EFL1: variants seen among roughly 807,000 people sequenced by gnomAD.
EFL1 encodes elongation factor-like GTPase 1.
EFL1 carries 76 observed loss-of-function variants against 126.7 expected under a neutral mutation model. The observed-to-expected ratio is 0.60, with a 90% CI of 0.50 to 0.73. The LOEUF is 0.73. Among genes scored for constraint, EFL1 ranks in the 30% least tolerant of loss-of-function variants. The probability of loss-of-function intolerance (pLI) is 0.00; values close to 1 mark genes in which losing one functional copy is unlikely to be tolerated. For missense variants in EFL1, 1,128 were observed against 1,343.2 expected (o/e 0.84, Z 2.50); for synonymous variants, 410 against 448.4 (o/e 0.91, Z 1.08).
chr15:82,220,856 T>C (rs1431646147), intron 12 of EFL1, among the ~76,000 whole-genome samples: 1 of 152,176 alleles, frequency 6.6e-6, no homozygotes, highest in African/African-American at 2.4e-5. Context: ...AGAAGGTATT[T>C]AGAGTTTTAA....
chr15:82,217,138 C>T (rs1595988901), intron 14 of EFL1, among the ~76,000 whole-genome samples: 2 of 151,840 alleles, frequency 1.3e-5, no homozygotes, highest in African/African-American at 4.8e-5. Context: ...ATCAGACTGG[C>T]ACAAATCAAA....
chr15:82,176,329 T>C (rs758708999), intron 15 of EFL1, among the ~76,000 whole-genome samples: 32 of 152,078 alleles, frequency 2.1e-4, no homozygotes, highest in Non-Finnish European at 4.1e-4. Context: ...AAAGAAAAAA[T>C]TGAAAAATAT....
chr15:82,177,792 C>T (rs1474412909), intron 15 of EFL1, among the ~76,000 whole-genome samples: 1 of 152,162 alleles, frequency 6.6e-6, no homozygotes, highest in African/African-American at 2.4e-5. Flanking sequence ...TCTACCACTG[C>T]CAAAATCTAA....
chr15:82,208,259 G>C lies in EFL1; in HGVS notation c.1750+6458C>G, dbSNP rs539958266. Among the ~76,000 whole-genome samples the C allele has an allele frequency of 5.9e-5, 9 of 152,284 alleles. No homozygotes were observed. The South Asian group carries it at 1.7e-3, about 28-fold the overall frequency. On this transcript the variant is annotated intron_variant, in intron 15 of 19. Transcript: ENST00000268206. ...GCACCAAGCCCAGTTAGTTTTGCAA[G>C]TGAACTATTTCAAAACTTTTGAAGA...
intron 4 of EFL1, among the ~76,000 whole-genome samples, chr15:82,247,797 A>C (rs1185618799): frequency 6.6e-6 from 1 of 152,110 alleles, no homozygotes; most frequent in Non-Finnish European, 1.5e-5. Context: ...TCAGAATCAC[A>C]GAGAAACATG....
chr15:82,254,496 C>G (rs576256244), intron 3 of EFL1, among the ~76,000 whole-genome samples: 1 of 152,114 alleles, frequency 6.6e-6, no homozygotes, highest in African/African-American at 2.4e-5. Context: ...TTTTGAAGTA[C>G]CCTGTGCCCC....
At chr15:82,146,413 G>C (rs2073846283) in intron 18 of EFL1, among the ~76,000 whole-genome samples, 1 of 152,048 alleles carries the variant, frequency 6.6e-6, no homozygotes, top group African/African-American at 2.4e-5. Context: ...GAACACAGAA[G>C]TTCTTTTCAT....
Position 82,163,970 on chromosome 15 carries a change from G to A in EFL1, c.1765C>T (p.Gln589Ter). The change falls in exon 16 of 20, where the codon CAA becomes TAA. Residue 589 changes from glutamine (Q) to a stop codon, truncating the protein, a stop_gained. Coordinates refer to ENST00000268206, the MANE Select transcript of EFL1 (RefSeq NM_024580.6). LOFTEE classifies it high-confidence loss of function. ...PGNVLGIGGLQDFVLKSATLC... is the reference protein window; with the variant it reads ...PGNVLGIGGL ...GTTGCAGATTTCAGCACAAAATCTTGAAGGCCTCCTATTCCTGTAGGAAGA... is the reference window on the plus strand; with the variant it reads ...GTTGCAGATTTCAGCACAAAATCTTAAAGGCCTCCTATTCCTGTAGGAAGA... 3.1e-6 allele frequency: 5 copies of A among 1,614,004 alleles called. No homozygotes were observed. Among genetic ancestry groups the A allele is most frequent in the Non-Finnish European group, 4.2e-6 (5 of 1,179,952 alleles).
chr15:82,222,368 T>A (rs1434910634), intron 12 of EFL1, among the ~76,000 whole-genome samples: 3 of 152,248 alleles, frequency 2.0e-5, no homozygotes, highest in African/African-American at 4.8e-5. Flanking sequence ...ATGCTCATTA[T>A]CACCAGGTTA....
rs2073623871 is a variant in EFL1 at position 82,130,285 on chromosome 15, T to G, written c.*88A>C. The stretch of plus-strand genomic sequence containing the variant: ...ATTGAAAGTGAATAAACAGAGATAA[T>G]GTGGCAAAAAGAAATTTTCCCAATA... On this transcript the variant is annotated 3_prime_UTR_variant, in exon 20 of 20. Coordinates refer to ENST00000268206, the MANE Select transcript of EFL1 (RefSeq NM_024580.6). 6.0e-6 allele frequency: 8 copies of G among 1,341,934 alleles called. No homozygotes were observed. The highest frequency in any genetic ancestry group is 8.1e-6 in the Non-Finnish European group (8 of 984,384). The allele number at this position is 1,341,934 out of a possible 1,614,324, so 83.1% of individuals were successfully genotyped here. A position where few individuals can be genotyped will look rare whatever the true frequency, so the allele number is the denominator to read the frequency against.
chr15:82,192,052 G>C lies in EFL1; in HGVS notation c.1750+22665C>G, dbSNP rs2074365467. On this transcript the variant is annotated intron_variant, in intron 15 of 19. Transcript: ENST00000268206. ...AATTGTTAAAGATAACACCTAGTAG[G>C]AATTTTTAAAAAACATCTGCTGAGA... is the stretch of plus-strand genomic sequence containing the variant. 2.0e-5 allele frequency among the ~76,000 whole-genome samples: 3 copies of C among 152,114 alleles called. No homozygotes were observed. In the South Asian group the frequency reaches 6.2e-4, roughly 32 times the overall value.
chr15:82,243,734 A>C (rs1378169743), intron 4 of EFL1, among the ~76,000 whole-genome samples: 3 of 146,224 alleles, frequency 2.1e-5, no homozygotes, highest in African/African-American at 7.7e-5. Context: ...AATAGTCAGA[A>C]AAACGAATAC....
In EFL1 at chr15:82,138,423, A is replaced by AGTGTGT. The variant is rs558338398; in HGVS notation, c.3174+234_3174+235insACACAC. On this transcript the variant is annotated intron_variant, in intron 19 of 19. Coordinates refer to ENST00000268206, the MANE Select transcript of EFL1 (RefSeq NM_024580.6). ...AAGGACAAATGAGAGAGAGAGAGAG[A>AGTGTGT]GAGTGTATGTGTGTGTGTGTGTGTG... Among the ~76,000 whole-genome samples the AGTGTGT allele has an allele frequency of 3.7e-4, 38 of 101,988 alleles. No homozygotes were observed. The Admixed American group carries it at 4.7e-3, about 13-fold the overall frequency. The allele number at this position is 101,988 out of a possible 152,430, so 66.9% of individuals were successfully genotyped here. A position where few individuals can be genotyped will look rare whatever the true frequency, so the allele number is the denominator to read the frequency against.
intron 15 of EFL1, among the ~76,000 whole-genome samples, chr15:82,171,009 G>C (rs2074129736): frequency 6.6e-6 from 1 of 152,102 alleles, no homozygotes. Context: ...AAAAAGAAAG[G>C]GGAAGAGATA....
chr15:82,230,185 T>C (rs1846908), intron 8 of EFL1, among the ~76,000 whole-genome samples: 69,599 of 151,954 alleles, frequency 0.46, 16,376 homozygotes, highest in African/African-American at 0.5. Context: ...AAAGAAATTA[T>C]AAACATCTAC....
At chr15:82,159,882 T>C (rs1345236795) in intron 16 of EFL1, 1 of 152,216 alleles carries the variant, frequency 6.6e-6, no homozygotes, top group Non-Finnish European at 1.5e-5. Flanking sequence ...TTTCCAGTGA[T>C]AATGGTCATT....
rs2075139275 is a variant in EFL1, at chr15:82,262,630, A to C, written c.-36T>G. The C allele has an allele frequency of 6.8e-6, 3 of 442,480 alleles. No individual in the cohort carries two copies. Among genetic ancestry groups the C allele is most frequent in the Non-Finnish European group, 1.2e-5 (3 of 249,322 alleles). The allele number at this position is 442,480 out of a possible 1,614,324, so 27.4% of individuals were successfully genotyped here. Reference sequence around the variant, plus strand: ...CACACTCACCGGCTGCAGCAGCCCCACCAGCCCCGCTCCTTCTCTCGGGTC... The same window carrying C: ...CACACTCACCGGCTGCAGCAGCCCCCCCAGCCCCGCTCCTTCTCTCGGGTC... On this transcript the variant is annotated 5_prime_UTR_variant, in exon 1 of 20. Transcript: ENST00000268206.
intron 16 of EFL1, among the ~76,000 whole-genome samples, chr15:82,158,950 T>A (rs1428674371): frequency 6.6e-6 from 1 of 152,198 alleles, no homozygotes; most frequent in Non-Finnish European, 1.5e-5. Context: ...CCAGACTAAC[T>A]AAGTGGCAGA....
intron 4 of EFL1, among the ~76,000 whole-genome samples, chr15:82,252,196 G>A (rs1389958902): frequency 1.3e-5 from 2 of 151,934 alleles, no homozygotes; most frequent in South Asian, 2.1e-4. Context: ...TTTTTTTCAC[G>A]AATACAAACT....
Sources: gnomAD v4.1 joint callset for allele counts (sites outside exome capture counted in the v4.1 genomes callset) on GRCh38, gnomAD v4.1.1 for gene constraint, MANE v1.5 for transcripts, NCBI Gene and HGNC (gene_info 2026-07-23, HGNC 2026-07-21) for gene names.